SAMD4B: variants seen among roughly 807,000 people sequenced by gnomAD.
SAMD4B encodes the protein protein Smaug homolog 2.
In SAMD4B, 5 loss-of-function variants were observed where a neutral mutation model predicts 74.5. The observed-to-expected ratio is 0.07, with a 90% CI of 0.04 to 0.14. The LOEUF (loss-of-function observed/expected upper bound fraction) is 0.14. SAMD4B is among the 10% of genes least tolerant of loss of function. The pLI, the probability that SAMD4B is intolerant of heterozygous loss-of-function variation, is 1.00. For synonymous variants in SAMD4B, 373 were observed against 374.9 expected, an observed-to-expected ratio of 1.00 and a Z score of 0.06; for missense variants, 608 against 921.8, an observed-to-expected ratio of 0.66 and a Z score of 4.41.
At chr19:39,354,500 C>G (rs1161175125) in intron 2 of SAMD4B, among the ~76,000 whole-genome samples, 4 of 152,154 alleles carry the variant, frequency 2.6e-5, no homozygotes, top group Non-Finnish European at 5.9e-5. Context: ...CCTTCTATAG[C>G]TATTTATTTA....
chr19:39,347,368 A>G (rs1464182556), intron 1 of SAMD4B, among the ~76,000 whole-genome samples: 3 of 152,200 alleles, frequency 2.0e-5, no homozygotes, highest in Non-Finnish European at 4.4e-5. Context: ...TTAGAAACAT[A>G]TTTTGGGTTC....
At chr19:39,368,957 A>AGG in intron 3 of SAMD4B, among the ~76,000 whole-genome samples, 1 of 152,320 alleles carries the variant, frequency 6.6e-6, no homozygotes, top group East Asian at 1.9e-4. Context: ...CCATTCAGGA[A>AGG]GGAGACTGCT....
intron 9 of SAMD4B, 120 bp from the exon 10 acceptor site, chr19:39,379,846 C>G: frequency 1.2e-6 from 1 of 806,554 alleles, no homozygotes; most frequent in Non-Finnish European, 2.0e-6. Context: ...GCTGGGATTA[C>G]AGCTTGAGCC....
At chr19:39,348,671 A>G (rs1472333133) in intron 1 of SAMD4B, among the ~76,000 whole-genome samples, 2 of 152,242 alleles carry the variant, frequency 1.3e-5, no homozygotes, top group Non-Finnish European at 2.9e-5. Flanking sequence ...AGACAGCGAC[A>G]TGATCTGATT....
In SAMD4B at chr19:39,365,103, G is replaced by A. The variant is rs570505612; in HGVS notation, c.197-4552G>A. Reference sequence around the variant, plus strand: ...AAATACAAAAAAAAATAAATTAGCCGGGTGTGGTGGCGGGCGTGTGTAGTC... The same window carrying A: ...AAATACAAAAAAAAATAAATTAGCCAGGTGTGGTGGCGGGCGTGTGTAGTC... On this transcript the variant is annotated intron_variant, in intron 3 of 13. Coordinates refer to ENST00000610417, the MANE Select transcript of SAMD4B (RefSeq NM_001384574.2). 7.9e-5 allele frequency among the ~76,000 whole-genome samples: 12 copies of A among 151,824 alleles called. No homozygotes were observed. In the South Asian group the frequency reaches 1.0e-3, roughly 13 times the overall value.
chr19:39,389,791 TG>T (rs772729184), downstream of SAMD4B: 26 of 1,613,536 alleles, frequency 1.6e-5, no homozygotes, highest in African/African-American at 2.7e-5. The surrounding 1 kb of genome is among the most constrained non-coding windows in gnomAD (Gnocchi z 5.3). Context: ...TTGTGGTGTT[TG>T]GATTCCAGCT....
downstream of SAMD4B, chr19:39,388,877 G>A (rs750960262): frequency 1.2e-6 from 2 of 1,612,988 alleles, no homozygotes; most frequent in East Asian, 2.2e-5. Flanking sequence ...TAGGGAGATG[G>A]AGGCACTGGG....
At position 39,375,988 on chromosome 19, in the gene SAMD4B, G is replaced by C. The variant is rs962533257; in HGVS notation, c.907+99G>C. 1.0e-5 allele frequency: 15 copies of C among 1,463,046 alleles called. No individual in the cohort carries two copies. The highest frequency in any genetic ancestry group is 2.6e-5 in the South Asian group (2 of 78,324). The allele number at this position is 1,463,046 out of a possible 1,614,324, so 90.6% of individuals were successfully genotyped here. On this transcript the variant is annotated intron_variant, in intron 5 of 13. Transcript: ENST00000610417. This position sits in a 1 kb window ranked among gnomAD's most constrained non-coding sequence, Gnocchi z 4.1. Reference sequence around the variant, plus strand: ...GTAGCTGACACCTGCTTACCCCTCTGAGGAGGGGACATGTCTGAGGGGAGT... The same window carrying C: ...GTAGCTGACACCTGCTTACCCCTCTCAGGAGGGGACATGTCTGAGGGGAGT...
downstream of SAMD4B, chr19:39,386,095 G>T: frequency 6.2e-7 from 1 of 1,613,942 alleles, no homozygotes; most frequent in Non-Finnish European, 8.5e-7. This position sits in a 1 kb window ranked among gnomAD's most constrained non-coding sequence, Gnocchi z 6.1. Context: ...CTGGCGCTGC[G>T]GCTGTGGCTC....
At chr19:39,367,179 A>G (rs1367521483) in intron 3 of SAMD4B, among the ~76,000 whole-genome samples, 1 of 152,188 alleles carries the variant, frequency 6.6e-6, no homozygotes, top group Non-Finnish European at 1.5e-5. Context: ...CATATGCCAC[A>G]TCTCTGCCTA....
Position 39,369,940 on chromosome 19 carries a change from G to T in SAMD4B, c.482G>T (p.Arg161Leu), listed in dbSNP as rs777073752. The stretch of plus-strand genomic sequence containing the variant: ...CGGTTGGCTAGTGGCTTCCGCTCCC[G>T]GCCAGAGCCCTCCTACCATTCACGT... ...EERLASGFRS[R>L]PEPSYHSRQG... The change falls in exon 4 of 14, where the codon CGG becomes CTG. Residue 161 changes from arginine (R) to leucine (L), a missense_variant. Coordinates refer to ENST00000610417, the MANE Select transcript of SAMD4B (RefSeq NM_001384574.2). The T allele has an allele frequency of 1.9e-6, 3 of 1,613,762 alleles. No homozygotes were observed. The highest frequency in any genetic ancestry group is 1.7e-6 in the Non-Finnish European group (2 of 1,179,954).
chr19:39,351,402 C>A (rs62119685), intron 1 of SAMD4B: 1 of 152,164 alleles, frequency 6.6e-6, no homozygotes, highest in Non-Finnish European at 1.5e-5. Context: ...GGAGAGACTT[C>A]TGTTATAGAG....
chr19:39,390,662 G>C (rs754148087), downstream of SAMD4B, among the ~76,000 whole-genome samples: 63 of 152,168 alleles, frequency 4.1e-4, no homozygotes, highest in Non-Finnish European at 8.1e-4. Context: ...ACGGCGGGGA[G>C]GAGGGGAACA....
chr19:39,386,040 C>T, downstream of SAMD4B: 1 of 1,613,986 alleles, frequency 6.2e-7, no homozygotes, highest in South Asian at 1.1e-5. The surrounding 1 kb of genome is among the most constrained non-coding windows in gnomAD (Gnocchi z 6.1). Context: ...TGCAGCTTCA[C>T]TGCCATCCTC....
At chr19:39,368,051 A>G (rs1313564062) in intron 3 of SAMD4B, among the ~76,000 whole-genome samples, 1 of 151,764 alleles carries the variant, frequency 6.6e-6, no homozygotes, top group Non-Finnish European at 1.5e-5. Context: ...TGTCTCTACT[A>G]AAAATACAAA....
intron 4 of SAMD4B, among the ~76,000 whole-genome samples, chr19:39,370,801 A>G (rs1459044266): frequency 6.6e-6 from 1 of 152,236 alleles, no homozygotes; most frequent in Non-Finnish European, 1.5e-5. Flanking sequence ...GTACTCTTTT[A>G]TAGACACTTT....
At chr19:39,388,380 G>A (rs773681239), downstream of SAMD4B, 4 of 1,614,052 alleles carry the variant, frequency 2.5e-6, no homozygotes, top group Admixed American at 6.7e-5. Flanking sequence ...CACCCTCTCG[G>A]AAGATGAAGA....
At chr19:39,366,473 A>G (rs920654445) in intron 3 of SAMD4B, among the ~76,000 whole-genome samples, 6 of 152,230 alleles carry the variant, frequency 3.9e-5, no homozygotes, top group African/African-American at 7.2e-5. Flanking sequence ...TCAGAAAAAT[A>G]GAAAACAAAA....
chr19:39,369,549 T>G, intron 3 of SAMD4B, 106 bp from the exon 4 acceptor site: 4 of 874,748 alleles, frequency 4.6e-6, no homozygotes, highest in Non-Finnish European at 7.0e-6. Flanking sequence ...AAAATCGTTA[T>G]GAAAAGAAGA....
Sources: allele counts gnomAD v4.1 joint callset (sites outside exome capture counted in the v4.1 genomes callset), GRCh38; gene constraint gnomAD v4.1.1; non-coding constraint Gnocchi (gnomAD v3.1); transcripts MANE v1.5; gene names NCBI Gene and HGNC (gene_info 2026-07-23, HGNC 2026-07-21).